TMEM132D: variants seen among roughly 807,000 people sequenced by gnomAD.
The protein encoded by TMEM132D is transmembrane protein 132D.
TMEM132D carries 21 observed loss-of-function variants against 62.3 expected under a neutral mutation model. The observed-to-expected ratio is 0.34, with a 90% confidence interval of 0.24 to 0.49. TMEM132D has a LOEUF of 0.49. TMEM132D is among the 20% of genes least tolerant of loss of function. The probability of loss-of-function intolerance (pLI) is 0.99; values close to 1 mark genes in which losing one functional copy is unlikely to be tolerated. For synonymous variants in TMEM132D, 621 were observed against 575.6 expected, an observed-to-expected ratio of 1.08 and a Z score of -1.13; for missense variants, 1,346 against 1,402.8, an observed-to-expected ratio of 0.96 and a Z score of 0.65.
At chr12:129,390,725 C>T (rs924492730) in intron 3 of TMEM132D, among the ~76,000 whole-genome samples, 1 of 152,174 alleles carries the variant, frequency 6.6e-6, no homozygotes, top group African/African-American at 2.4e-5. Flanking sequence ...GGACCACTCG[C>T]TCTGCCCTGT....
intron 2 of TMEM132D, among the ~76,000 whole-genome samples, chr12:129,579,382 G>A (rs1877776991): frequency 6.6e-6 from 1 of 152,152 alleles, no homozygotes. Context: ...GTTTATGAAG[G>A]AGAACTGACT....
intron 2 of TMEM132D, among the ~76,000 whole-genome samples, chr12:129,683,998 A>G (rs1244213072): frequency 2.0e-5 from 3 of 152,210 alleles, no homozygotes; most frequent in Non-Finnish European, 4.4e-5. Flanking sequence ...ATAAATGAAA[A>G]GTCAACTCAA....
chr12:129,154,059 T>G (rs539228537), intron 5 of TMEM132D, among the ~76,000 whole-genome samples: 2 of 152,320 alleles, frequency 1.3e-5, no homozygotes, highest in South Asian at 4.1e-4. Context: ...TTATTTAAAA[T>G]TTGTGACACA....
intron 5 of TMEM132D, among the ~76,000 whole-genome samples, chr12:129,120,516 C>A (rs1876025528): frequency 6.6e-6 from 1 of 152,088 alleles, no homozygotes; most frequent in African/African-American, 2.4e-5. Context: ...TCTTCAAAAG[C>A]ACGAAGGTTA....
At chr12:129,689,685 G>A (rs1450979256) in intron 2 of TMEM132D, among the ~76,000 whole-genome samples, 2 of 152,020 alleles carry the variant, frequency 1.3e-5, no homozygotes, top group East Asian at 3.9e-4. Flanking sequence ...ACTGTCCTAG[G>A]GCTTCATGAG....
chr12:129,748,671 G>A (rs1343181266), intron 1 of TMEM132D, among the ~76,000 whole-genome samples: 1 of 152,188 alleles, frequency 6.6e-6, no homozygotes, highest in Non-Finnish European at 1.5e-5. Flanking sequence ...AGTAAGAAGA[G>A]AAGAAAAACT....
At chr12:129,572,471 G>T (rs952901794) in intron 2 of TMEM132D, among the ~76,000 whole-genome samples, 1 of 151,846 alleles carries the variant, frequency 6.6e-6, no homozygotes, top group Non-Finnish European at 1.5e-5. Context: ...TTGTTGAGAC[G>T]GAGTTTCACT....
chr12:129,203,828 G>T (rs1024670162), intron 5 of TMEM132D, among the ~76,000 whole-genome samples: 1 of 152,242 alleles, frequency 6.6e-6, no homozygotes, highest in Non-Finnish European at 1.5e-5. Context: ...TATACAGCTT[G>T]TCTGCCAATT....
intron 2 of TMEM132D, among the ~76,000 whole-genome samples, chr12:129,576,201 G>A (rs920647460): frequency 6.6e-6 from 1 of 151,880 alleles, no homozygotes; most frequent in Non-Finnish European, 1.5e-5. Context: ...GACCATCTCC[G>A]CGATAATGCT....
intron 4 of TMEM132D, among the ~76,000 whole-genome samples, chr12:129,304,750 G>A (rs1022851015): frequency 4.4e-5 from 6 of 136,578 alleles, no homozygotes; most frequent in Admixed American, 8.8e-5. Flanking sequence ...TGAAATCTCC[G>A]CTTCCCAGGT....
At chr12:129,126,611 T>C (rs986574906) in intron 5 of TMEM132D, among the ~76,000 whole-genome samples, 1 of 151,138 alleles carries the variant, frequency 6.6e-6, no homozygotes, top group African/African-American at 2.4e-5. Flanking sequence ...GGGTGGGGGG[T>C]GAATGGTATG....
intron 2 of TMEM132D, among the ~76,000 whole-genome samples, chr12:129,551,615 G>A (rs1876901365): frequency 6.6e-6 from 1 of 152,162 alleles, no homozygotes; most frequent in African/African-American, 2.4e-5. Flanking sequence ...ATCAGTTGGG[G>A]CTGCCACCTT....
chr12:129,126,468 T>C (rs1197252653), intron 5 of TMEM132D, among the ~76,000 whole-genome samples: 1 of 151,666 alleles, frequency 6.6e-6, no homozygotes, highest in Non-Finnish European at 1.5e-5. Flanking sequence ...AGTGTTACAG[T>C]GGGTGTCTTC....
At chr12:129,818,137 C>A (rs1009115946) in intron 1 of TMEM132D, among the ~76,000 whole-genome samples, 1 of 114,894 alleles carries the variant, frequency 8.7e-6, no homozygotes, top group Non-Finnish European at 1.8e-5. Flanking sequence ...TTGGGTTGTG[C>A]ATGTGTGTGT....
At chr12:129,564,027 T>C (rs1437674578) in intron 2 of TMEM132D, among the ~76,000 whole-genome samples, 52 of 152,110 alleles carry the variant, frequency 3.4e-4, no homozygotes, top group Non-Finnish European at 2.9e-5. Context: ...CTTTTAAACA[T>C]TGAAAATATT....
At chr12:129,743,719 G>A (rs1869683009) in intron 1 of TMEM132D, among the ~76,000 whole-genome samples, 1 of 152,190 alleles carries the variant, frequency 6.6e-6, no homozygotes, top group South Asian at 2.1e-4. Flanking sequence ...TAGGGATCTT[G>A]AGATGAGAGA....
intron 5 of TMEM132D, among the ~76,000 whole-genome samples, chr12:129,185,811 C>CTATCTATCTATCTATCT (rs56931832): frequency 1.6e-5 from 1 of 60,976 alleles, no homozygotes; most frequent in African/African-American, 4.6e-5. Context: ...ATCTATCTAT[C>CTATCTATCTATCTATCT]ATCTATCTAT....
intron 3 of TMEM132D, among the ~76,000 whole-genome samples, chr12:129,494,000 C>A (rs1445701651): frequency 1.3e-5 from 2 of 152,208 alleles, no homozygotes; most frequent in Non-Finnish European, 2.9e-5. Context: ...TTCTAAGCTT[C>A]TTCCCTTCTG....
At position 129,081,858 on chromosome 12, in the gene TMEM132D, C is replaced by T. The variant is rs150989922; in HGVS notation, c.1824G>A (p.Glu608=). 3.1e-5 allele frequency: 50 copies of T among 1,613,888 alleles called. No homozygotes were observed. Among genetic ancestry groups the T allele is most frequent in the Non-Finnish European group, 4.1e-5 (48 of 1,180,032 alleles). Reference sequence around the variant, plus strand: ...CCACCTGCATGAAGTCATTTATCAGCTCCGTGATGTCCACTTGCCAGTCTG... The same window carrying T: ...CCACCTGCATGAAGTCATTTATCAGTTCCGTGATGTCCACTTGCCAGTCTG... The part of the protein sequence containing the change: ...LGSDWQVDIT[E]LINDFMQVEE... The change falls in exon 7 of 9, where the codon GAG becomes GAA. Residue 608 remains glutamate, a synonymous_variant. Transcript: ENST00000422113.
Sources: allele counts gnomAD v4.1 joint callset (sites outside exome capture counted in the v4.1 genomes callset), GRCh38; gene constraint gnomAD v4.1.1; transcripts MANE v1.5; gene names NCBI Gene and HGNC (gene_info 2026-07-23, HGNC 2026-07-21).